GALNT13: variants seen among roughly 807,000 people sequenced by gnomAD.
GALNT13 encodes the protein UDP-GalNAc:polypeptide N-acetylgalactosaminyltransferase 13.
In GALNT13, 28 loss-of-function variants were observed where a neutral mutation model predicts 64.2. The ratio of observed to expected loss-of-function variants is 0.44; its 90% confidence interval spans 0.32 to 0.60. GALNT13 has a LOEUF of 0.60. GALNT13 is among the 20% of genes least tolerant of loss of function. The pLI is 0.05. For missense variants in GALNT13, 577 were observed against 669.8 expected, an observed-to-expected ratio of 0.86 and a Z score of 1.53; for synonymous variants, 214 against 224.6, an observed-to-expected ratio of 0.95 and a Z score of 0.42.
At chr2:153,338,284 C>A in the GALNT13 span, among the ~76,000 whole-genome samples, 1 of 151,720 alleles carries the variant, frequency 6.6e-6, no homozygotes, top group Admixed American at 6.6e-5. Context: ...CAGAGCAAGA[C>A]CCTGTTTCTA....
At chr2:153,496,945 G>T in the GALNT13 span, among the ~76,000 whole-genome samples, 2 of 143,086 alleles carry the variant, frequency 1.4e-5, no homozygotes, top group Non-Finnish European at 3.0e-5. Flanking sequence ...AGTGAACTGA[G>T]ATTGCACCAC....
chr2:153,441,060 C>G, the GALNT13 span, among the ~76,000 whole-genome samples: 1 of 152,026 alleles, frequency 6.6e-6, no homozygotes, highest in Non-Finnish European at 1.5e-5. Flanking sequence ...AGGTTCTTTT[C>G]TAGGGTTTTT....
the GALNT13 span, among the ~76,000 whole-genome samples, chr2:153,763,859 G>T: frequency 6.9e-6 from 1 of 145,114 alleles, no homozygotes; most frequent in South Asian, 2.2e-4. Context: ...GTCAGAAGAG[G>T]ATAGGAAGAT....
intron 4 of GALNT13, among the ~76,000 whole-genome samples, chr2:154,190,611 T>A (rs1686522986): frequency 6.6e-6 from 1 of 152,228 alleles, no homozygotes; most frequent in Admixed American, 6.5e-5. Flanking sequence ...CCATCTGCTC[T>A]ATAGGAAACA....
At chr2:153,243,521 A>G in the GALNT13 span, among the ~76,000 whole-genome samples, 1 of 151,704 alleles carries the variant, frequency 6.6e-6, no homozygotes, top group African/African-American at 2.4e-5. Flanking sequence ...CTAAGAGTTA[A>G]CATTGTAACA....
At chr2:154,177,398 G>T (rs190704517) in intron 4 of GALNT13, among the ~76,000 whole-genome samples, 4 of 152,208 alleles carry the variant, frequency 2.6e-5, no homozygotes, top group African/African-American at 7.2e-5. Flanking sequence ...TGGTTGCCAG[G>T]AGCTGGGGAG....
At chr2:154,313,122 A>G (rs1440131272) in intron 9 of GALNT13, among the ~76,000 whole-genome samples, 1 of 151,442 alleles carries the variant, frequency 6.6e-6, no homozygotes, top group South Asian at 2.1e-4. Context: ...TCTCAAAATA[A>G]TTTTATCATA....
At chr2:153,145,637 G>C in the GALNT13 span, among the ~76,000 whole-genome samples, 1 of 151,808 alleles carries the variant, frequency 6.6e-6, no homozygotes, top group Non-Finnish European at 1.5e-5. Flanking sequence ...AGATGGATTA[G>C]GTCCAAGTCC....
At chr2:153,488,608 T>C in the GALNT13 span, among the ~76,000 whole-genome samples, 1 of 152,198 alleles carries the variant, frequency 6.6e-6, no homozygotes, top group Non-Finnish European at 1.5e-5. Flanking sequence ...CTGCCTTGAA[T>C]TTAATCTCTA....
intron 3 of GALNT13, among the ~76,000 whole-genome samples, chr2:154,013,769 G>T (rs1341084627): frequency 6.6e-6 from 1 of 152,130 alleles, no homozygotes; most frequent in Non-Finnish European, 1.5e-5. Context: ...GGGCAGTGGG[G>T]TGCACACTCA....
At chr2:154,319,944 A>G (rs1694533718) in intron 9 of GALNT13, among the ~76,000 whole-genome samples, 1 of 152,138 alleles carries the variant, frequency 6.6e-6, no homozygotes, top group African/African-American at 2.4e-5. Context: ...GACATAAAAG[A>G]AAAACTAGAA....
rs1214032123 is a variant in GALNT13 at position 154,398,113 on chromosome 2, A to G, written c.1296+1983A>G. Among the ~76,000 whole-genome samples, 5 of 152,220 alleles carry G rather than the reference A, an allele frequency of 3.3e-5. No individual in the cohort carries two copies. In the East Asian group the frequency reaches 7.7e-4, roughly 23 times the overall value. ...AAATATTTAATACCCTTATCACTTT[A>G]TTGAAAATTTGTTTGAACATTCATG... On this transcript the variant is annotated intron_variant, in intron 10 of 12. Coordinates refer to ENST00000392825, the MANE Select transcript of GALNT13 (RefSeq NM_052917.4).
chr2:153,694,121 C>CA, the GALNT13 span, among the ~76,000 whole-genome samples: 1 of 151,984 alleles, frequency 6.6e-6, no homozygotes, highest in Non-Finnish European at 1.5e-5. Flanking sequence ...AACAAACAAA[C>CA]AAAAAAGCAA....
chr2:153,414,194 T>A, the GALNT13 span, among the ~76,000 whole-genome samples: 1 of 151,866 alleles, frequency 6.6e-6, no homozygotes, highest in Non-Finnish European at 1.5e-5. Context: ...ACCAACATGG[T>A]GAAACCCCGT....
chr2:153,196,508 C>G, the GALNT13 span, among the ~76,000 whole-genome samples: 1 of 152,126 alleles, frequency 6.6e-6, no homozygotes, highest in African/African-American at 2.4e-5. Flanking sequence ...GTCGACACTC[C>G]CAAGCCTGTG....
intron 3 of GALNT13, among the ~76,000 whole-genome samples, chr2:154,116,986 A>G (rs1442651133): frequency 6.6e-6 from 1 of 152,172 alleles, no homozygotes; most frequent in East Asian, 1.9e-4. Flanking sequence ...GAGCAAGGAG[A>G]GCCTATCCAA....
At chr2:154,391,240 C>T (rs1698776479) in intron 9 of GALNT13, among the ~76,000 whole-genome samples, 1 of 152,134 alleles carries the variant, frequency 6.6e-6, no homozygotes, top group Non-Finnish European at 1.5e-5. Flanking sequence ...CTAGTGTATT[C>T]TCAAGGGTAT....
the GALNT13 span, among the ~76,000 whole-genome samples, chr2:153,851,284 T>G: frequency 2.6e-5 from 4 of 152,184 alleles, no homozygotes; most frequent in South Asian, 8.3e-4. Context: ...ATTTTTGAAT[T>G]CTACAAGGAA....
At chr2:154,435,281 G>A (rs536885325) in intron 11 of GALNT13, among the ~76,000 whole-genome samples, 6 of 149,734 alleles carry the variant, frequency 4.0e-5, no homozygotes, top group South Asian at 2.1e-4. Context: ...ATCTTGTATC[G>A]TGTAGTTATC....
Sources: allele counts gnomAD v4.1 joint callset (sites outside exome capture counted in the v4.1 genomes callset), GRCh38; gene constraint gnomAD v4.1.1; transcripts MANE v1.5; gene names NCBI Gene and HGNC (gene_info 2026-07-23, HGNC 2026-07-21).